Variants in CREB5 observed in about 807,000 individuals in gnomAD.
CREB5 encodes cyclic AMP-responsive element-binding protein 5.
In CREB5, 19 loss-of-function variants were observed where a neutral mutation model predicts 57.1. That is an observed-to-expected ratio of 0.33 (90% CI 0.23 to 0.49). The LOEUF (loss-of-function observed/expected upper bound fraction) is 0.49. Among genes scored for constraint, CREB5 ranks in the 20% least tolerant of loss-of-function variants. The pLI is 0.99. For missense variants in CREB5, 579 were observed against 671.6 expected, an observed-to-expected ratio of 0.86 and a Z score of 1.52; for synonymous variants, 238 against 238.3, an observed-to-expected ratio of 1.00 and a Z score of 0.01.
intron 4 of CREB5, among the ~76,000 whole-genome samples, chr7:28,553,848 T>C (rs1794764623): frequency 6.6e-6 from 1 of 152,230 alleles, no homozygotes; most frequent in Non-Finnish European, 1.5e-5. Context: ...CTTTCCAGAA[T>C]AAAATGTCCT....
At position 28,804,531 on chromosome 7, in the gene CREB5, T is replaced by C. The variant is rs1044864389; in HGVS notation, c.1026+9T>C. ...CCGGCAACCAAGCACAGGTAGACCT[T>C]TTCCGTGATCTCTTTCCCCTTCTTA... On this transcript the variant is annotated intron_variant, in intron 8 of 10. Transcript: ENST00000357727. 6.2e-7 allele frequency: 1 copy of C among 1,611,606 alleles called. No homozygotes were observed. Among genetic ancestry groups the C allele is most frequent in the Non-Finnish European group, 8.5e-7 (1 of 1,177,946 alleles).
At chr7:28,566,193 C>G (rs1377215314) in intron 4 of CREB5, among the ~76,000 whole-genome samples, 1 of 152,188 alleles carries the variant, frequency 6.6e-6, no homozygotes, top group Non-Finnish European at 1.5e-5. Flanking sequence ...TTCACTTCTC[C>G]TAAAGCAACC....
chr7:28,669,004 C>A (rs1264132645), intron 5 of CREB5, among the ~76,000 whole-genome samples: 1 of 152,144 alleles, frequency 6.6e-6, no homozygotes, highest in African/African-American at 2.4e-5. Flanking sequence ...AGAAAGGCAC[C>A]AATACTGTGC....
At chr7:28,746,648 GATGGTTTCTTCCTATCA>G (rs1052900578) in intron 7 of CREB5, among the ~76,000 whole-genome samples, 10 of 152,170 alleles carry the variant, frequency 6.6e-5, no homozygotes, top group African/African-American at 2.4e-4. Flanking sequence ...TGTTAGAGGC[GATGGTTTCTTCCTATCA>G]AGTCCTTTTG....
In CREB5 at chr7:28,574,158, T is replaced by A. The variant is rs182186270; in HGVS notation, c.464+3621T>A. Among the ~76,000 whole-genome samples, 13 of 152,222 alleles carry A rather than the reference T, an allele frequency of 8.5e-5. No homozygotes were observed. The East Asian group carries it at 2.3e-3, about 27-fold the overall frequency. ...GATGGTAGCGTTTTCAGAGATAAGTTTCCCAGATGGAAAAAAAGAGTGAGC... is the reference window on the plus strand; with the variant it reads ...GATGGTAGCGTTTTCAGAGATAAGTATCCCAGATGGAAAAAAAGAGTGAGC... On this transcript the variant is annotated intron_variant, in intron 5 of 10. Transcript: ENST00000357727.
intron 7 of CREB5, among the ~76,000 whole-genome samples, chr7:28,777,248 A>C (rs977611332): frequency 5.3e-5 from 8 of 152,324 alleles, no homozygotes; most frequent in African/African-American, 1.9e-4. Flanking sequence ...ACCTTAAAAC[A>C]ATGTCCGAAC....
chr7:28,343,155 T>C (rs1377617379), intron 1 of CREB5, among the ~76,000 whole-genome samples: 2 of 152,180 alleles, frequency 1.3e-5, no homozygotes, highest in African/African-American at 4.8e-5. Context: ...TTAGCCAGGA[T>C]GGTCTCGATC....
chr7:28,551,717 C>T (rs1351396821), intron 4 of CREB5, among the ~76,000 whole-genome samples: 2 of 152,248 alleles, frequency 1.3e-5, no homozygotes, highest in East Asian at 3.9e-4. Flanking sequence ...GGGAGGAGAA[C>T]TCACTGTCTC....
chr7:28,304,236 C>T (rs1249721831), intron 1 of CREB5, among the ~76,000 whole-genome samples: 2 of 152,004 alleles, frequency 1.3e-5, no homozygotes, highest in Non-Finnish European at 2.9e-5. Context: ...TTTAACCATC[C>T]ACCAAACTAT....
intron 1 of CREB5, among the ~76,000 whole-genome samples, chr7:28,462,670 T>G (rs1295162561): frequency 6.6e-6 from 1 of 152,202 alleles, no homozygotes; most frequent in Non-Finnish European, 1.5e-5. Flanking sequence ...ACTACTGATG[T>G]TGACGATATT....
chr7:28,709,840 C>T (rs1389175671), intron 5 of CREB5, among the ~76,000 whole-genome samples: 1 of 152,120 alleles, frequency 6.6e-6, no homozygotes, highest in East Asian at 1.9e-4. Context: ...GATAATGATC[C>T]AAAAGTGCCC....
At chr7:28,458,432 A>G (rs1790209123) in intron 1 of CREB5, among the ~76,000 whole-genome samples, 1 of 152,248 alleles carries the variant, frequency 6.6e-6, no homozygotes, top group Non-Finnish European at 1.5e-5. Context: ...GAGCAATTCA[A>G]ACTTATGTAA....
At chr7:28,493,259 T>C (rs1171019530) in intron 2 of CREB5, among the ~76,000 whole-genome samples, 2 of 152,246 alleles carry the variant, frequency 1.3e-5, no homozygotes, top group African/African-American at 4.8e-5. Flanking sequence ...TTGGAAATGT[T>C]CAGCAGAATA....
chr7:28,623,447 C>T (rs976204952), intron 5 of CREB5, among the ~76,000 whole-genome samples: 4 of 152,192 alleles, frequency 2.6e-5, no homozygotes, highest in Admixed American at 2.0e-4. Flanking sequence ...ATCTGAAATG[C>T]CGCTTCTCTG....
In CREB5 at chr7:28,695,960, G is replaced by C. The variant is rs577846941; in HGVS notation, c.465-22793G>C. ...GATTCTGAAAAAAAAGAGAGCAAAG[G>C]GTAATTCATAGTTGTTTTAATGACT... On this transcript the variant is annotated intron_variant, in intron 5 of 10. Coordinates refer to ENST00000357727, the MANE Select transcript of CREB5 (RefSeq NM_182898.4). Among the ~76,000 whole-genome samples the C allele has an allele frequency of 1.6e-4, 25 of 152,188 alleles. No homozygotes were observed. In the South Asian group the frequency reaches 4.4e-3, roughly 27 times the overall value.
intron 1 of CREB5, among the ~76,000 whole-genome samples, chr7:28,476,725 A>G (rs867016559): frequency 2.8e-4 from 43 of 152,348 alleles, no homozygotes; most frequent in Middle Eastern, 6.8e-3. Context: ...ACAAAATCCC[A>G]CTTCCGAAAG....
chr7:28,560,903 C>CGCGCGTGCGT (rs1795164691), intron 4 of CREB5, among the ~76,000 whole-genome samples: 2 of 26,132 alleles, frequency 7.7e-5, no homozygotes, highest in Non-Finnish European at 1.6e-4. Context: ...TGTGCGTGCG[C>CGCGCGTGCGT]GCGTGCGTGT....
In CREB5 at chr7:28,604,055, G is replaced by A. The variant is rs147397629; in HGVS notation, c.464+33518G>A. 8.4e-4 allele frequency among the ~76,000 whole-genome samples: 128 copies of A among 152,184 alleles called. 4 individuals carry two copies. In the East Asian group the frequency reaches 0.02, roughly 23 times the overall value. On this transcript the variant is annotated intron_variant, in intron 5 of 10. Transcript: ENST00000357727. Reference sequence around the variant, plus strand: ...TGAAAGTTTTCAAACCAGTTCATGTGCATCTTCTAGTTTTTTCAAAATCCA... The same window carrying A: ...TGAAAGTTTTCAAACCAGTTCATGTACATCTTCTAGTTTTTTCAAAATCCA...
At chr7:28,366,720 C>T (rs1786595222) in intron 1 of CREB5, among the ~76,000 whole-genome samples, 1 of 152,194 alleles carries the variant, frequency 6.6e-6, no homozygotes, top group Non-Finnish European at 1.5e-5. Context: ...ATTGGACATC[C>T]TTCTGCAAAT....
Sources: allele counts gnomAD v4.1 joint callset (sites outside exome capture counted in the v4.1 genomes callset), GRCh38; gene constraint gnomAD v4.1.1; transcripts MANE v1.5; gene names NCBI Gene and HGNC (gene_info 2026-07-23, HGNC 2026-07-21).